KCNMB3: variants seen among roughly 807,000 people sequenced by gnomAD.
The protein encoded by KCNMB3 is calcium-activated potassium channel subunit beta-3.
In KCNMB3, 18 loss-of-function variants were observed where a neutral mutation model predicts 11.9. That is an observed-to-expected ratio of 1.51 (90% confidence interval 1.04 to 2.23). The LOEUF (loss-of-function observed/expected upper bound fraction) is 2.23. Ranked by LOEUF, KCNMB3 falls within the 30% of genes most tolerant of loss-of-function variation. KCNMB3 has a pLI of 0.00. For missense variants in KCNMB3, 247 were observed against 329.4 expected (o/e 0.75, Z 1.94); for synonymous variants, 78 against 119.2 (o/e 0.65, Z 2.25).
intron 1 of KCNMB3, among the ~76,000 whole-genome samples, chr3:179,258,265 A>C (rs898863814): frequency 2.0e-5 from 3 of 152,224 alleles, no homozygotes; most frequent in Non-Finnish European, 4.4e-5. Flanking sequence ...TTCCAGAAAA[A>C]ATCTTTAAAC....
intron 1 of KCNMB3, among the ~76,000 whole-genome samples, chr3:179,247,476 C>T (rs1220104348): frequency 2.0e-5 from 3 of 151,784 alleles, no homozygotes; most frequent in African/African-American, 4.8e-5. Context: ...GCCTGGACAA[C>T]ATAGTGAGAT....
downstream of KCNMB3, chr3:179,240,958 T>G (rs1255346719): frequency 6.6e-6 from 1 of 152,220 alleles, no homozygotes; most frequent in Non-Finnish European, 1.5e-5. Flanking sequence ...GAGAAGTCTT[T>G]GGTATACAAA....
rs1429795633 is a variant in KCNMB3 at position 179,242,969 on chromosome 3, T to C, written c.763A>G (p.Ile255Val). The C allele has an allele frequency of 1.9e-6, 3 of 1,605,894 alleles. No individual in the cohort carries two copies. The highest frequency in any genetic ancestry group is 2.8e-5 in the African/African-American group (2 of 72,494). ...CACAGTTTGAACTGATGCTGTTCTATATAAGGTACTTTTCCACCTACCTCA... is the reference window on the plus strand; with the variant it reads ...CACAGTTTGAACTGATGCTGTTCTACATAAGGTACTTTTCCACCTACCTCA... The part of the protein sequence containing the change: ...RDEVGGKVPY[I>V]EQHQFKLCIM... Residue 255 changes from isoleucine to valine, a missense_variant, in exon 3 of 3, where the codon ATA becomes GTA. Physicochemically the swap from Ile to Val is conservative, Grantham distance 29. Around this residue, in one of 2 missense-constraint regions of KCNMB3, gnomAD observed 87 missense variants for 171.9 expected, o/e 0.51. Transcript: ENST00000392685.
At chr3:179,242,326 C>T (rs1290321248), downstream of KCNMB3, 2 of 151,686 alleles carry the variant, frequency 1.3e-5, no homozygotes, top group South Asian at 2.1e-4. Flanking sequence ...ACCCAGGAGG[C>T]AGAGGTCACA....
At chr3:179,251,450 C>T, upstream of KCNMB3, 1 of 1,415,208 alleles carries the variant, frequency 7.1e-7, no homozygotes, top group Non-Finnish European at 9.2e-7. Context: ...GCCCAGTCCA[C>T]TCAGAATTAT....
chr3:179,251,131 A>G, upstream of KCNMB3: 1 of 1,614,166 alleles, frequency 6.2e-7, no homozygotes, highest in African/African-American at 1.3e-5. Flanking sequence ...ATGTGTAATC[A>G]AGTATTTTTA....
chr3:179,245,304 G>A (rs771320627), intron 1 of KCNMB3, among the ~76,000 whole-genome samples: 1 of 152,080 alleles, frequency 6.6e-6, no homozygotes, highest in Non-Finnish European at 1.5e-5. Flanking sequence ...TGGCAACAAG[G>A]TACAATTCCA....
Position 179,250,785 on chromosome 3 carries a change from A to G in KCNMB3, c.206T>C (p.Phe69Ser). Reference protein sequence around the residue: ...FAMMGFSVLMFFLLGTTILKP... With the variant: ...FAMMGFSVLMSFLLGTTILKP... ...TAGAATGGTTGTTCCGAGCAAGAAGAACATTAGGACTGAGAAGCCCATCAT... is the reference window on the plus strand; with the variant it reads ...TAGAATGGTTGTTCCGAGCAAGAAGGACATTAGGACTGAGAAGCCCATCAT... Residue 69 changes from phenylalanine (F) to serine (S), a missense_variant, in exon 1 of 3, where the codon TTC (phenylalanine) becomes TCC (serine). Phe to Ser is a radical substitution (Grantham distance 155). Transcript: ENST00000392685. 1 of 1,614,186 alleles carries G rather than the reference A, an allele frequency of 6.2e-7. No homozygotes were observed. Among genetic ancestry groups the G allele is most frequent in the Non-Finnish European group, 8.5e-7 (1 of 1,180,044 alleles).
chr3:179,265,568 A>T (rs147548284), intron 1 of KCNMB3, among the ~76,000 whole-genome samples: 2,553 of 152,174 alleles, frequency 0.017, 83 homozygotes, highest in African/African-American at 0.057. Flanking sequence ...GCAATTCTCC[A>T]GCCTCAGCCT....
chr3:179,252,563 A>AG (rs796389320), upstream of KCNMB3, among the ~76,000 whole-genome samples: 46 of 152,254 alleles, frequency 3.0e-4, 2 homozygotes, highest in Middle Eastern at 3.4e-3. Context: ...AGCCTGTGCC[A>AG]GGAAGCACCA....
chr3:179,262,545 C>G (rs6443631), intron 1 of KCNMB3, among the ~76,000 whole-genome samples: 1 of 152,060 alleles, frequency 6.6e-6, no homozygotes, highest in African/African-American at 2.4e-5. Flanking sequence ...TCCTCCACAG[C>G]GTGGAAAGGG....
chr3:179,240,181 G>A (rs6782557), downstream of KCNMB3: 127,290 of 636,012 alleles, frequency 0.2, 15,302 homozygotes, highest in African/African-American at 0.42. Context: ...AAAGCAAGCC[G>A]GTGTTGCTAA....
chr3:179,261,341 G>C, intron 1 of KCNMB3: 1 of 1,175,790 alleles, frequency 8.5e-7, no homozygotes. Flanking sequence ...CCCCCCCCGC[G>C]GGCCGGGCCA....
exon 1 of KCNMB3, chr3:179,266,818 C>A (rs1560163696): frequency 6.8e-7 from 1 of 1,478,178 alleles, no homozygotes; most frequent in East Asian, 2.5e-5. Context: ...CAGCGGGAGC[C>A]CCCAGCCCCC....
At chr3:179,260,533 C>G (rs1384385357) in intron 1 of KCNMB3, 2 of 1,600,952 alleles carry the variant, frequency 1.2e-6, no homozygotes, top group African/African-American at 2.7e-5. Context: ...TCATTCTTCA[C>G]CTCCACCTCA....
At chr3:179,256,408 C>T (rs1726013088), upstream of KCNMB3, among the ~76,000 whole-genome samples, 1 of 151,904 alleles carries the variant, frequency 6.6e-6, no homozygotes, top group Non-Finnish European at 1.5e-5. Flanking sequence ...TGCACTCCAG[C>T]CTGGGCAACA....
exon 1 of KCNMB3, chr3:179,266,858 G>A (rs1199042289): frequency 8.3e-6 from 12 of 1,437,684 alleles, no homozygotes; most frequent in African/African-American, 7.2e-5. Flanking sequence ...GAAGCCCCCC[G>A]CCTTCCTGGA....
chr3:179,248,795 T>C (rs1725732804), intron 1 of KCNMB3, among the ~76,000 whole-genome samples: 1 of 151,668 alleles, frequency 6.6e-6, no homozygotes, highest in Admixed American at 6.6e-5. Flanking sequence ...CAATAAACAG[T>C]TGATTAAGAC....
intron 1 of KCNMB3, among the ~76,000 whole-genome samples, 166 bp downstream of exon 1, chr3:179,250,577 C>T (rs1725801395): frequency 6.6e-6 from 1 of 152,172 alleles, no homozygotes; most frequent in African/African-American, 2.4e-5. Flanking sequence ...CCTCCACACC[C>T]AGCTGCCCCC....
Sources: gnomAD v4.1 joint callset for allele counts (sites outside exome capture counted in the v4.1 genomes callset) on GRCh38, gnomAD v4.1.1 for gene constraint, gnomAD v4.1.1 regional missense constraint, MANE v1.5 for transcripts, NCBI Gene and HGNC (gene_info 2026-07-23, HGNC 2026-07-21) for gene names.